Variants in HS6ST3 observed in about 807,000 individuals in gnomAD.
HS6ST3 encodes the protein heparan sulfate 6-O-sulfotransferase 3.
HS6ST3 carries 12 observed loss-of-function variants against 36.7 expected under a neutral mutation model. The observed-to-expected ratio is 0.33, with a 90% CI of 0.21 to 0.53. HS6ST3 has a LOEUF of 0.53. Among genes scored for constraint, HS6ST3 ranks in the 20% least tolerant of loss-of-function variants. The pLI is 0.95. For synonymous variants in HS6ST3, 240 were observed against 257.5 expected, an observed-to-expected ratio of 0.93 and a Z score of 0.65; for missense variants, 584 against 640.9, an observed-to-expected ratio of 0.91 and a Z score of 0.96.
intron 1 of HS6ST3, among the ~76,000 whole-genome samples, chr13:96,446,905 T>C (rs2055701785): frequency 6.6e-6 from 1 of 152,182 alleles, no homozygotes; most frequent in Non-Finnish European, 1.5e-5. Flanking sequence ...TCTACTTCAT[T>C]CTCTGGCCAG....
chr13:96,807,834 C>G (rs1878233289), intron 1 of HS6ST3, among the ~76,000 whole-genome samples: 1 of 150,208 alleles, frequency 6.7e-6, no homozygotes, highest in African/African-American at 2.5e-5. Flanking sequence ...CCACTGCACT[C>G]CAGCCTGGGT....
At position 96,482,381 on chromosome 13, in the gene HS6ST3, A is replaced by G. The variant is rs555413647; in HGVS notation, c.708-350109A>G. 6.6e-5 allele frequency among the ~76,000 whole-genome samples: 10 copies of G among 152,270 alleles called. 1 individual carries two copies. The South Asian group carries it at 2.1e-3, about 32-fold the overall frequency. On this transcript the variant is annotated intron_variant, in intron 1 of 1. Transcript: ENST00000376705. Reference sequence around the variant, plus strand: ...CTTTCAAATCTGCCTCCTTGAAACCAAATAGAATGTATTTTCTGCTCATAT... The same window carrying G: ...CTTTCAAATCTGCCTCCTTGAAACCGAATAGAATGTATTTTCTGCTCATAT...
intron 1 of HS6ST3, among the ~76,000 whole-genome samples, chr13:96,452,873 A>G (rs2055735118): frequency 6.6e-6 from 1 of 151,966 alleles, no homozygotes; most frequent in South Asian, 2.1e-4. Context: ...ACCTGGGAGG[A>G]ATTGCATGAT....
chr13:96,791,218 T>C (rs939000592), intron 1 of HS6ST3, among the ~76,000 whole-genome samples: 1 of 152,096 alleles, frequency 6.6e-6, no homozygotes, highest in Non-Finnish European at 1.5e-5. Context: ...CTCTATTACA[T>C]TGGGAAGCTT....
At chr13:96,826,476 G>A (rs1373801960) in intron 1 of HS6ST3, among the ~76,000 whole-genome samples, 1 of 152,020 alleles carries the variant, frequency 6.6e-6, no homozygotes, top group Non-Finnish European at 1.5e-5. Context: ...ACTTTTGCTA[G>A]GGATCTGAGG....
intron 1 of HS6ST3, among the ~76,000 whole-genome samples, chr13:96,398,992 C>A (rs2055435709): frequency 6.6e-6 from 1 of 152,210 alleles, no homozygotes; most frequent in African/African-American, 2.4e-5. Context: ...TGGTTGACAA[C>A]TTTTGAGACC....
intron 1 of HS6ST3, among the ~76,000 whole-genome samples, chr13:96,271,568 A>G (rs1309177569): frequency 6.6e-6 from 1 of 151,864 alleles, no homozygotes. Context: ...GGGTTGGGAC[A>G]ACAGAAGCCA....
intron 1 of HS6ST3, among the ~76,000 whole-genome samples, chr13:96,324,848 T>C (rs927107296): frequency 6.6e-6 from 1 of 152,226 alleles, no homozygotes; most frequent in Admixed American, 6.5e-5. Context: ...AGATAACTGA[T>C]ACCTTGATCT....
At chr13:96,412,931 A>G (rs1490015729) in intron 1 of HS6ST3, among the ~76,000 whole-genome samples, 1 of 151,854 alleles carries the variant, frequency 6.6e-6, no homozygotes, top group Non-Finnish European at 1.5e-5. Context: ...GAAGAAAGAG[A>G]AAGAAGAAAG....
intron 1 of HS6ST3, among the ~76,000 whole-genome samples, chr13:96,696,531 A>T (rs1342865816): frequency 6.6e-6 from 1 of 152,192 alleles, no homozygotes; most frequent in Non-Finnish European, 1.5e-5. Context: ...TAATACACTG[A>T]CCAACAACAG....
At chr13:96,221,467 T>C (rs937942493) in intron 1 of HS6ST3, among the ~76,000 whole-genome samples, 1 of 152,172 alleles carries the variant, frequency 6.6e-6, no homozygotes, top group Non-Finnish European at 1.5e-5. Flanking sequence ...TCATGGTAGC[T>C]TCCAATAAAT....
intron 1 of HS6ST3, among the ~76,000 whole-genome samples, chr13:96,572,605 CT>C (rs34853293): frequency 0.61 from 87,725 of 143,792 alleles, 29,696 homozygotes; most frequent in Non-Finnish European, 0.77. Context: ...TTATTGTGGA[CT>C]TTTTTTTTTT....
rs1202891438 is a variant in HS6ST3 at position 96,506,562 on chromosome 13, T to TCCTAATG, written c.708-325928_708-325927insCCTAATG. 3.3e-5 allele frequency among the ~76,000 whole-genome samples: 5 copies of TCCTAATG among 152,286 alleles called. No individual in the cohort carries two copies. In the East Asian group the frequency reaches 9.6e-4, roughly 29 times the overall value. On this transcript the variant is annotated intron_variant, in intron 1 of 1. Coordinates refer to ENST00000376705, the MANE Select transcript of HS6ST3 (RefSeq NM_153456.4). ...TATCGCTTATTTTCCTATTGAATGCTGCCTTTCCATTTAGATGGTGATTAC... is the reference window on the plus strand; with the variant it reads ...TATCGCTTATTTTCCTATTGAATGCTCCTAATGGCCTTTCCATTTAGATGGTGATTAC...
At chr13:96,343,515 T>A (rs533079323) in intron 1 of HS6ST3, among the ~76,000 whole-genome samples, 67 of 152,194 alleles carry the variant, frequency 4.4e-4, no homozygotes, top group Non-Finnish European at 7.4e-4. Flanking sequence ...TAATCCAGAC[T>A]GATCTCCCTA....
chr13:96,496,882 C>G (rs892017122), intron 1 of HS6ST3, among the ~76,000 whole-genome samples: 6 of 152,046 alleles, frequency 3.9e-5, no homozygotes, highest in Admixed American at 6.5e-5. Context: ...GGAAAGAAAG[C>G]CAGGACCAGA....
intron 1 of HS6ST3, among the ~76,000 whole-genome samples, chr13:96,790,457 T>C (rs564209493): frequency 2.6e-5 from 4 of 152,134 alleles, no homozygotes; most frequent in Admixed American, 2.6e-4. Flanking sequence ...GTGGAGTCTC[T>C]ACTTCATGTT....
chr13:96,237,273 T>C (rs1359093053), intron 1 of HS6ST3, among the ~76,000 whole-genome samples: 3 of 152,222 alleles, frequency 2.0e-5, no homozygotes, highest in African/African-American at 7.2e-5. Flanking sequence ...GAATGAAGTT[T>C]ATTTGCTTTT....
intron 1 of HS6ST3, among the ~76,000 whole-genome samples, chr13:96,342,877 A>G (rs914323617): frequency 1.3e-5 from 2 of 152,204 alleles, no homozygotes; most frequent in Non-Finnish European, 2.9e-5. Context: ...TCATTTGGAG[A>G]TAGCAGATAT....
At chr13:96,392,932 C>A (rs1053450776) in intron 1 of HS6ST3, among the ~76,000 whole-genome samples, 3 of 152,116 alleles carry the variant, frequency 2.0e-5, no homozygotes, top group Non-Finnish European at 2.9e-5. Flanking sequence ...TGTCCCCACC[C>A]AGATCTCATC....
Sources: allele counts gnomAD v4.1 joint callset (sites outside exome capture counted in the v4.1 genomes callset), GRCh38; gene constraint gnomAD v4.1.1; transcripts MANE v1.5; gene names NCBI Gene and HGNC (gene_info 2026-07-23, HGNC 2026-07-21).